The following FHAD1 variants were observed in gnomAD, a reference collection of about 807,000 sequenced individuals.
FHAD1 encodes the protein forkhead-associated domain-containing protein 1.
Under a neutral mutation model 191.3 loss-of-function variants are expected in FHAD1, and 146 were observed. The ratio of observed to expected loss-of-function variants is 0.76; its 90% CI spans 0.67 to 0.88. FHAD1 has a LOEUF of 0.88. Among genes scored for constraint, FHAD1 ranks in the 40% least tolerant of loss-of-function variants. FHAD1 has a pLI of 0.00. For missense variants in FHAD1, 1,635 were observed against 1,785.8 expected, an observed-to-expected ratio of 0.92 and a Z score of 1.52; for synonymous variants, 616 against 672.3, an observed-to-expected ratio of 0.92 and a Z score of 1.29.
chr1:15,247,305 C>T lies in FHAD1; in HGVS notation c.-105C>T, dbSNP rs1198726328. On this transcript the variant is annotated 5_prime_UTR_variant, in exon 1 of 34. Coordinates refer to ENST00000688493, the MANE Select transcript of FHAD1 (RefSeq NM_001391957.1). ...GCTGGAGACTCCGCGGGAGCGCGGCCGGGAGGCTTCGCCCCGGAGCTGGCC... is the reference window on the plus strand; with the variant it reads ...GCTGGAGACTCCGCGGGAGCGCGGCTGGGAGGCTTCGCCCCGGAGCTGGCC... The T allele has an allele frequency of 9.6e-6, 2 of 207,326 alleles. No homozygotes were observed. Among genetic ancestry groups the T allele is most frequent in the Non-Finnish European group, 2.1e-5 (2 of 95,638 alleles). The allele number at this position is 207,326 out of a possible 1,614,324, so 12.8% of individuals were successfully genotyped here. A position where few individuals can be genotyped will look rare whatever the true frequency, so the allele number is the denominator to read the frequency against.
chr1:15,359,197 C>G (rs140078829), intron 21 of FHAD1, among the ~76,000 whole-genome samples: 18 of 151,900 alleles, frequency 1.2e-4, no homozygotes, highest in Non-Finnish European at 4.4e-5. Flanking sequence ...AGGAGTAAGG[C>G]GAGGATAGGG....
At chr1:15,254,629 C>G (rs535901029) in intron 2 of FHAD1, among the ~76,000 whole-genome samples, 2 of 152,300 alleles carry the variant, frequency 1.3e-5, no homozygotes, top group Admixed American at 1.3e-4. Flanking sequence ...TGACTGCTTA[C>G]TGCTGCTTGG....
At chr1:15,341,714 G>A (rs781670606) in intron 15 of FHAD1, 22 bp from the exon 16 acceptor site, 5 of 1,542,560 alleles carry the variant, frequency 3.2e-6, no homozygotes, top group Non-Finnish European at 4.4e-6. Flanking sequence ...ATCAGCATCG[G>A]TTTACTTTTC....
At chr1:15,386,175 G>C (rs148106833) in intron 31 of FHAD1, among the ~76,000 whole-genome samples, 41 of 152,322 alleles carry the variant, frequency 2.7e-4, no homozygotes, top group Non-Finnish European at 5.3e-4. Flanking sequence ...CCTGCTTCGT[G>C]GGGTGGTTAA....
intron 2 of FHAD1, among the ~76,000 whole-genome samples, chr1:15,262,827 A>G (rs1205281108): frequency 6.6e-6 from 1 of 152,224 alleles, no homozygotes; most frequent in Middle Eastern, 3.2e-3. Flanking sequence ...TATACCCAGA[A>G]GTGGCATTGC....
At position 15,311,368 on chromosome 1, in the gene FHAD1, C is replaced by G. The variant is rs2101117074; in HGVS notation, c.1040-1689C>G. Among the ~76,000 whole-genome samples the G allele has an allele frequency of 6.6e-6, 1 of 152,322 alleles. No homozygotes were observed. Among genetic ancestry groups the G allele is most frequent in the Non-Finnish European group, 1.5e-5 (1 of 68,030 alleles). On this transcript the variant is annotated intron_variant, in intron 7 of 33. Coordinates refer to ENST00000688493, the MANE Select transcript of FHAD1 (RefSeq NM_001391957.1). This position sits in a 1 kb window ranked among gnomAD's most constrained non-coding sequence, Gnocchi z 4.1. ...ACCCAGGAGGAGCAGAGGGAACCAT[C>G]TCGAAGCCCACGTAGGCCTGAGAGT...
Position 15,381,272 on chromosome 1 carries a change from C to G in FHAD1, c.3843C>G (p.Ile1281Met). 1 of 1,551,668 alleles carries G rather than the reference C, an allele frequency of 6.4e-7. No homozygotes were observed. The highest frequency in any genetic ancestry group is 1.2e-5 in the South Asian group (1 of 84,054). The change falls in exon 30 of 34, where the codon ATC becomes ATG. Residue 1281 changes from isoleucine (I) to methionine (M), a missense_variant. Ile to Met is a conservative substitution (Grantham distance 10). Transcript: ENST00000688493. This position sits in a 1 kb window ranked among gnomAD's most constrained non-coding sequence, Gnocchi z 4.6. ...MSKTLGSLMN[I>M]KNMSGHVSMK... is the part of the protein sequence containing the mutation. The stretch of plus-strand genomic sequence containing the variant: ...AAACCCTCGGAAGTCTCATGAACAT[C>G]AAGAATATGTCAGGCCACGTGTCCA...
intron 1 of FHAD1, among the ~76,000 whole-genome samples, chr1:15,247,759 C>A (rs1478273656): frequency 6.6e-6 from 1 of 152,158 alleles, no homozygotes; most frequent in East Asian, 1.9e-4. Context: ...TAACCTCTCC[C>A]TTCCCAAATA....
chr1:15,267,232 C>T (rs1442665971), intron 2 of FHAD1, among the ~76,000 whole-genome samples: 2 of 152,022 alleles, frequency 1.3e-5, no homozygotes, highest in African/African-American at 2.4e-5. Context: ...TTTCTTTAGC[C>T]TCTTGATGCA....
intron 8 of FHAD1, 53 bp downstream of exon 8, chr1:15,313,240 AG>A: frequency 7.0e-7 from 1 of 1,420,068 alleles, no homozygotes; most frequent in African/African-American, 1.5e-5. Flanking sequence ...AAGCAGCTAA[AG>A]TGAAGTCACG....
intron 26 of FHAD1, among the ~76,000 whole-genome samples, chr1:15,369,922 G>A (rs890019504): frequency 2.6e-5 from 4 of 152,116 alleles, no homozygotes; most frequent in Non-Finnish European, 4.4e-5. Context: ...TACATTTTAT[G>A]TATATACACA....
intron 28 of FHAD1, among the ~76,000 whole-genome samples, 172 bp downstream of exon 28, chr1:15,375,902 A>G (rs1246721695): frequency 6.6e-6 from 1 of 152,212 alleles, no homozygotes; most frequent in Non-Finnish European, 1.5e-5. Flanking sequence ...GGGTTTGCAC[A>G]GAAAGGTAGC....
intron 2 of FHAD1, among the ~76,000 whole-genome samples, chr1:15,261,353 A>C (rs968441076): frequency 2.6e-5 from 4 of 152,126 alleles, no homozygotes; most frequent in Non-Finnish European, 5.9e-5. Flanking sequence ...CTTCAGGAAA[A>C]GAGGACTTCC....
Position 15,397,353 on chromosome 1 carries a change from A to G in FHAD1, c.4380A>G (p.Lys1460=), listed in dbSNP as rs564157405. 1 of 1,547,336 alleles carries G rather than the reference A, an allele frequency of 6.5e-7. No homozygotes were observed. The highest frequency in any genetic ancestry group is 2.4e-5 in the East Asian group (1 of 40,852). The change falls in exon 34 of 34, where the codon AAA becomes AAG. Residue 1460 remains lysine, a synonymous_variant. Coordinates refer to ENST00000688493, the MANE Select transcript of FHAD1 (RefSeq NM_001391957.1). ...ACCAAGAAAGAGAGATGCTGAGGAA[A>G]GAGACCTCCAGCAAGTCCAGCCAGA... ...KMDQEREMLR[K]ETSSKSSQSL...
rs1168034338 is a variant in FHAD1, at chr1:15,324,635, A to G, written c.1473+76A>G. On this transcript the variant is annotated intron_variant, in intron 11 of 33. Coordinates refer to ENST00000688493, the MANE Select transcript of FHAD1 (RefSeq NM_001391957.1). ...CACCCAAGCAGCCAGTGGGGGTGAG[A>G]GAGGAGGACGCCCAAGGTAGAAAGA... is the stretch of plus-strand genomic sequence containing the variant. 8 of 1,039,652 alleles carry G rather than the reference A, an allele frequency of 7.7e-6. No individual in the cohort carries two copies. The Admixed American group carries it at 1.4e-4, about 18-fold the overall frequency. 64.4% of individuals were successfully genotyped at this position (1,039,652 alleles called of 1,614,324 possible).
chr1:15,383,257 T>G, intron 31 of FHAD1: 1 of 468,972 alleles, frequency 2.1e-6, no homozygotes, highest in Admixed American at 2.3e-5. Context: ...TCGTCATACC[T>G]CAGGAGCCAA....
At chr1:15,257,980 T>A (rs1343731115) in intron 2 of FHAD1, among the ~76,000 whole-genome samples, 1 of 152,134 alleles carries the variant, frequency 6.6e-6, no homozygotes, top group Admixed American at 6.5e-5. Context: ...TAGCTGGGAT[T>A]ATGGGCATGA....
At chr1:15,315,528 C>G (rs1360081883) in intron 8 of FHAD1, among the ~76,000 whole-genome samples, 1 of 137,846 alleles carries the variant, frequency 7.3e-6, no homozygotes, top group Non-Finnish European at 1.5e-5. Flanking sequence ...CTCTGTCACT[C>G]AGGCTGGAGT....
At chr1:15,295,608 T>A (rs750296134) in intron 4 of FHAD1, among the ~76,000 whole-genome samples, 2 of 151,926 alleles carry the variant, frequency 1.3e-5, no homozygotes, top group Non-Finnish European at 2.9e-5. Context: ...ACCCTGTCTG[T>A]CTGTGTGTGT....
Sources: gnomAD v4.1 joint callset for allele counts (sites outside exome capture counted in the v4.1 genomes callset) on GRCh38, gnomAD v4.1.1 for gene constraint, Gnocchi (gnomAD v3.1) non-coding constraint, MANE v1.5 for transcripts, NCBI Gene and HGNC (gene_info 2026-07-23, HGNC 2026-07-21) for gene names.